The following ZNF251 variants were observed in gnomAD, a reference collection of about 807,000 sequenced individuals.
ZNF251 encodes zinc finger protein 251.
Under a neutral mutation model 13.5 loss-of-function variants are expected in ZNF251, and 14 were observed. The ratio of observed to expected loss-of-function variants is 1.04; its 90% CI spans 0.69 to 1.63. The LOEUF is 1.63. Ranked by LOEUF, ZNF251 falls within the 40% of genes most tolerant of loss-of-function variation. The pLI is 0.00. For synonymous variants in ZNF251, 287 were observed against 295.2 expected (o/e 0.97, Z 0.28); for missense variants, 764 against 834.9 (o/e 0.92, Z 1.05).
In ZNF251 at chr8:144,755,077, G is replaced by A. The variant is rs1824895392; in HGVS notation, c.-75-274C>T. 10 of 1,301,074 alleles carry A rather than the reference G, an allele frequency of 7.7e-6. No individual in the cohort carries two copies. The Middle Eastern group carries it at 1.8e-3, about 236-fold the overall frequency. The allele number at this position is 1,301,074 out of a possible 1,614,324, so 80.6% of individuals were successfully genotyped here. On this transcript the variant is annotated intron_variant, in intron 1 of 4. Coordinates refer to ENST00000292562, the MANE Select transcript of ZNF251 (RefSeq NM_138367.2). Reference sequence around the variant, plus strand: ...TGAAGGCCCTGGAAATGGGGTGCAGGGCCGTTCTACCTGCCTGGCCAACCT... The same window carrying A: ...TGAAGGCCCTGGAAATGGGGTGCAGAGCCGTTCTACCTGCCTGGCCAACCT...
At chr8:144,739,401 C>T (rs750788714) in intron 4 of ZNF251, among the ~76,000 whole-genome samples, 25 of 151,720 alleles carry the variant, frequency 1.6e-4, no homozygotes, top group African/African-American at 4.1e-4. Flanking sequence ...TCACAAATCA[C>T]GACTCCACTC....
chr8:144,729,011 C>T (rs1382369768), intron 4 of ZNF251, among the ~76,000 whole-genome samples: 2 of 147,502 alleles, frequency 1.4e-5, no homozygotes, highest in Admixed American at 6.9e-5. Flanking sequence ...TCACTAGAAC[C>T]TGGGAGGCGG....
chr8:144,753,063 A>C (rs1824769752), intron 4 of ZNF251, among the ~76,000 whole-genome samples: 1 of 152,048 alleles, frequency 6.6e-6, no homozygotes, highest in African/African-American at 2.4e-5. Flanking sequence ...ACTTGATCTC[A>C]AGAATTTAAG....
Position 144,721,520 on chromosome 8 carries a change from T to C in ZNF251, c.*124A>G, listed in dbSNP as rs747993351. 7 of 977,404 alleles carry C rather than the reference T, an allele frequency of 7.2e-6. No homozygotes were observed. The highest frequency in any genetic ancestry group is 9.3e-6 in the Non-Finnish European group (7 of 750,420). 60.5% of individuals were successfully genotyped at this position (977,404 alleles called of 1,614,324 possible). On this transcript the variant is annotated 3_prime_UTR_variant, in exon 5 of 5. Coordinates refer to ENST00000292562, the MANE Select transcript of ZNF251 (RefSeq NM_138367.2). ...CCAGATTTAATGACTTTGACTTTAG[T>C]AGTCATCTGAACTATTTATTTTACT...
chr8:144,743,445 C>T (rs954649872), intron 4 of ZNF251, among the ~76,000 whole-genome samples: 7 of 152,156 alleles, frequency 4.6e-5, no homozygotes, highest in South Asian at 2.1e-4. Flanking sequence ...TACTGAGGAA[C>T]GTCTCAGTTG....
intron 4 of ZNF251, among the ~76,000 whole-genome samples, chr8:144,726,732 C>T (rs1168772892): frequency 6.7e-5 from 10 of 150,044 alleles, no homozygotes; most frequent in Admixed American, 1.3e-4. Context: ...TAGCCAGGCG[C>T]GGTGGCAGGT....
chr8:144,726,686 C>A lies in ZNF251; in HGVS notation c.278-3304G>T, dbSNP rs561130472. ...GAGATCGAGACCATCCTGGCTAACA[C>A]GGTGAAACACCGTCTCTACTAAAAA... On this transcript the variant is annotated intron_variant, in intron 4 of 4. Coordinates refer to ENST00000292562, the MANE Select transcript of ZNF251 (RefSeq NM_138367.2). Among the ~76,000 whole-genome samples the A allele has an allele frequency of 7.9e-5, 12 of 151,856 alleles. No individual in the cohort carries two copies. In the South Asian group the frequency reaches 8.3e-4, roughly 11 times the overall value.
At chr8:144,740,052 G>C (rs370306799) in intron 4 of ZNF251, among the ~76,000 whole-genome samples, 2 of 152,130 alleles carry the variant, frequency 1.3e-5, no homozygotes, top group African/African-American at 2.4e-5. Flanking sequence ...TTGGGAGGCC[G>C]AGGCGGGCAG....
rs1465761611 is a variant in ZNF251 at position 144,722,454 on chromosome 8, C to G, written c.1206G>C (p.Glu402Asp). 1 of 1,614,076 alleles carries G rather than the reference C, an allele frequency of 6.2e-7. No homozygotes were observed. Among genetic ancestry groups the G allele is most frequent in the East Asian group, 2.2e-5 (1 of 44,876 alleles). The change falls in exon 5 of 5, where the codon GAG becomes GAC. Residue 402 changes from glutamate (E) to aspartate (D), a missense_variant. Physicochemically the swap from Glu to Asp is conservative, Grantham distance 45 (BLOSUM62 2). Coordinates refer to ENST00000292562, the MANE Select transcript of ZNF251 (RefSeq NM_138367.2). This position sits in a 1 kb window ranked among gnomAD's most constrained non-coding sequence, Gnocchi z 4.8. ...CGCATTCATTACATACATAGGGTTT[C>G]TCTCCAGTATGAACCCGATGATGGA... is the stretch of plus-strand genomic sequence containing the variant. ...LFLHHRVHTG[E>D]KPYVCNECGR...
intron 4 of ZNF251, among the ~76,000 whole-genome samples, chr8:144,735,814 T>C (rs1413904392): frequency 6.6e-6 from 1 of 152,242 alleles, no homozygotes; most frequent in Admixed American, 6.5e-5. Context: ...CGGGGTACCA[T>C]GGGACTATCT....
intron 4 of ZNF251, among the ~76,000 whole-genome samples, chr8:144,745,587 G>A (rs1214146005): frequency 6.6e-6 from 1 of 151,962 alleles, no homozygotes; most frequent in African/African-American, 2.4e-5. Flanking sequence ...TGCTCTGTCA[G>A]CCAGGCTGGA....
At chr8:144,748,085 T>C (rs1263245839) in intron 4 of ZNF251, among the ~76,000 whole-genome samples, 1 of 149,796 alleles carries the variant, frequency 6.7e-6, no homozygotes, top group East Asian at 2.0e-4. Context: ...CCTCACTTTT[T>C]TTTTTTGAGA....
chr8:144,722,565 A>G lies in ZNF251; in HGVS notation c.1095T>C (p.Ile365=). 6.2e-7 allele frequency: 1 copy of G among 1,613,992 alleles called. No homozygotes were observed. Residue 365 remains isoleucine (I), a synonymous_variant, in exon 5 of 5, where the codon ATT becomes ATC. Transcript: ENST00000292562. This position sits in a 1 kb window ranked among gnomAD's most constrained non-coding sequence, Gnocchi z 4.8. ...GKAFSRSSSL[I]QHERIHTGEK... is the part of the protein sequence containing the mutation. Reference sequence around the variant, plus strand: ...CTCCAGTGTGAATTCTCTCATGCTGAATAAGGCTGGAGCTTCGACTGAAGG... The same window carrying G: ...CTCCAGTGTGAATTCTCTCATGCTGGATAAGGCTGGAGCTTCGACTGAAGG...
At position 144,722,045 on chromosome 8, in the gene ZNF251, T is replaced by C. The variant is rs1786355017; in HGVS notation, c.1615A>G (p.Thr539Ala). The change falls in exon 5 of 5, where the codon ACT (threonine) becomes GCT (alanine). Residue 539 changes from threonine (T) to alanine (A), a missense_variant. Thr to Ala is a moderately conservative substitution (Grantham distance 58). Transcript: ENST00000292562. The surrounding 1 kb of genome is among the most constrained non-coding windows in gnomAD (Gnocchi z 4.8). Reference sequence around the variant, plus strand: ...AAGGCTCTGCCGTGCTTCTCTCCAGTGGGAATCTGTCCATCTGCTGTGAGG... The same window carrying C: ...AAGGCTCTGCCGTGCTTCTCTCCAGCGGGAATCTGTCCATCTGCTGTGAGG... ...SSLTADGQIP[T>A]GEKHGRAFNH... The C allele has an allele frequency of 1.5e-5, 24 of 1,613,036 alleles. No homozygotes were observed. Among genetic ancestry groups the C allele is most frequent in the Non-Finnish European group, 2.0e-5 (23 of 1,179,414 alleles).
Position 144,726,961 on chromosome 8 carries a change from G to A in ZNF251, c.278-3579C>T, listed in dbSNP as rs761878643. On this transcript the variant is annotated intron_variant, in intron 4 of 4. Coordinates refer to ENST00000292562, the MANE Select transcript of ZNF251 (RefSeq NM_138367.2). ...CCCATCTACTCAGGAGGCTGAGGTG[G>A]GAAGACCACTTGAGCCCAGGAGTTT... is the stretch of plus-strand genomic sequence containing the variant. Among the ~76,000 whole-genome samples the A allele has an allele frequency of 7.6e-4, 116 of 152,274 alleles. 1 individual carries two copies. The highest frequency in any genetic ancestry group is 6.8e-3 in the Middle Eastern group (2 of 294).
chr8:144,731,830 C>T (rs758342194), intron 4 of ZNF251, among the ~76,000 whole-genome samples: 15 of 152,144 alleles, frequency 9.9e-5, no homozygotes, highest in Admixed American at 2.0e-4. Flanking sequence ...CCAGGTGATC[C>T]GCCCACCTCG....
chr8:144,743,427 C>T (rs553661777), intron 4 of ZNF251, among the ~76,000 whole-genome samples: 2 of 152,240 alleles, frequency 1.3e-5, no homozygotes, highest in Admixed American at 1.3e-4. Context: ...TTTATTTACC[C>T]GCTTATCTAC....
chr8:144,745,829 T>A (rs1824400822), intron 4 of ZNF251, among the ~76,000 whole-genome samples: 1 of 152,118 alleles, frequency 6.6e-6, no homozygotes, highest in African/African-American at 2.4e-5. Context: ...ATTATAGGCA[T>A]AAACCACCAC....
chr8:144,735,472 T>A (rs996648194), intron 4 of ZNF251, among the ~76,000 whole-genome samples: 1 of 151,478 alleles, frequency 6.6e-6, no homozygotes, highest in Non-Finnish European at 1.5e-5. Context: ...TAGTACCAGG[T>A]CAGAGTTAGC....
Sources: allele counts gnomAD v4.1 joint callset (sites outside exome capture counted in the v4.1 genomes callset), GRCh38; gene constraint gnomAD v4.1.1; non-coding constraint Gnocchi (gnomAD v3.1); transcripts MANE v1.5; gene names NCBI Gene and HGNC (gene_info 2026-07-23, HGNC 2026-07-21).